Variants in NAALADL2 observed in about 807,000 individuals in gnomAD.
The protein encoded by NAALADL2 is inactive N-acetylated-alpha-linked acidic dipeptidase-like protein 2.
In NAALADL2, 76 loss-of-function variants were observed where a neutral mutation model predicts 87.2. The ratio of observed to expected loss-of-function variants is 0.87; its 90% confidence interval spans 0.72 to 1.05. The LOEUF (loss-of-function observed/expected upper bound fraction) is 1.05. Among genes scored for constraint, NAALADL2 ranks in the 50% least tolerant of loss-of-function variants. The pLI is 0.00. For synonymous variants in NAALADL2, 354 were observed against 331.0 expected (o/e 1.07, Z -0.75); for missense variants, 1,089 against 945.8 (o/e 1.15, Z -1.99).
chr3:175,786,434 CTTCATTTCA>C (rs999914391), intron 13 of NAALADL2, among the ~76,000 whole-genome samples: 6 of 152,062 alleles, frequency 3.9e-5, no homozygotes, highest in Admixed American at 2.6e-4. Context: ...TTCCCTTCTC[CTTCATTTCA>C]TTCATTTCAT....
chr3:174,584,775 A>G (rs986521371), intron 2 of NAALADL2, among the ~76,000 whole-genome samples: 3 of 152,106 alleles, frequency 2.0e-5, no homozygotes, highest in Non-Finnish European at 2.9e-5. Context: ...TCTGTTGTGT[A>G]TAAATTGAAG....
At chr3:174,562,098 T>G (rs1382733367) in intron 2 of NAALADL2, among the ~76,000 whole-genome samples, 4 of 152,176 alleles carry the variant, frequency 2.6e-5, no homozygotes, top group Admixed American at 6.5e-5. Context: ...ATTTCATGCT[T>G]AAAATATTGT....
At chr3:174,953,336 C>T (rs1438388177) in intron 1 of NAALADL2, among the ~76,000 whole-genome samples, 2 of 115,326 alleles carry the variant, frequency 1.7e-5, no homozygotes, top group Admixed American at 1.9e-4. Flanking sequence ...CTCCCCTCCC[C>T]TCCCCTCCCC....
At chr3:175,304,045 T>C (rs7635230) in intron 4 of NAALADL2, among the ~76,000 whole-genome samples, 15,641 of 151,728 alleles carry the variant, frequency 0.1, 1,187 homozygotes, top group African/African-American at 0.19. Flanking sequence ...GAGAGAAAGG[T>C]AAAAGACCTA....
At chr3:174,940,925 C>T (rs778577250) in intron 1 of NAALADL2, among the ~76,000 whole-genome samples, 12 of 151,296 alleles carry the variant, frequency 7.9e-5, no homozygotes, top group Non-Finnish European at 1.5e-4. Context: ...TAGCTAGCGG[C>T]CTGTCTTACT....
intron 11 of NAALADL2, among the ~76,000 whole-genome samples, chr3:175,715,745 A>C (rs1741151604): frequency 6.6e-6 from 1 of 152,036 alleles, no homozygotes; most frequent in Non-Finnish European, 1.5e-5. Flanking sequence ...GCATAGTGGC[A>C]CATGCTGTAA....
chr3:174,873,152 A>T (rs376503891), intron 1 of NAALADL2, among the ~76,000 whole-genome samples: 4 of 151,708 alleles, frequency 2.6e-5, no homozygotes, highest in African/African-American at 9.7e-5. Context: ...AATCTATTTA[A>T]CTTAGTTTTA....
At chr3:174,602,452 T>G (rs1718545427) in intron 2 of NAALADL2, among the ~76,000 whole-genome samples, 1 of 152,154 alleles carries the variant, frequency 6.6e-6, no homozygotes, top group African/African-American at 2.4e-5. Flanking sequence ...GACTTTTGTA[T>G]GTTGATTTTA....
chr3:175,349,805 G>C (rs6796035), intron 5 of NAALADL2, among the ~76,000 whole-genome samples: 15,495 of 152,040 alleles, frequency 0.1, 929 homozygotes, highest in Admixed American at 0.14. Context: ...CCTGATGAGT[G>C]CTGAAATCAA....
intron 10 of NAALADL2, among the ~76,000 whole-genome samples, chr3:175,588,156 G>C (rs898031092): frequency 6.6e-6 from 1 of 151,900 alleles, no homozygotes; most frequent in Non-Finnish European, 1.5e-5. Context: ...GTAACGCCTG[G>C]TAGGAAAAGT....
At chr3:175,538,897 A>T (rs1682982387) in intron 9 of NAALADL2, among the ~76,000 whole-genome samples, 1 of 152,228 alleles carries the variant, frequency 6.6e-6, no homozygotes, top group South Asian at 2.1e-4. Context: ...TCAAGGACAG[A>T]TTTACTAGAA....
chr3:175,423,726 G>A (rs563200248), intron 5 of NAALADL2, among the ~76,000 whole-genome samples: 92 of 152,196 alleles, frequency 6.0e-4, no homozygotes, highest in African/African-American at 2.0e-3. Flanking sequence ...CAATAAATAT[G>A]CATGTGCATG....
chr3:174,918,862 C>T (rs1734765617), intron 1 of NAALADL2, among the ~76,000 whole-genome samples: 1 of 151,782 alleles, frequency 6.6e-6, no homozygotes. Flanking sequence ...AGAATTATGG[C>T]CACTTTTATA....
At chr3:175,695,946 C>T (rs149679450) in intron 11 of NAALADL2, among the ~76,000 whole-genome samples, 6 of 152,206 alleles carry the variant, frequency 3.9e-5, no homozygotes, top group Non-Finnish European at 7.4e-5. Context: ...GCTGATAGCT[C>T]GCCATCTCAC....
chr3:174,915,688 G>GA (rs796209337), intron 1 of NAALADL2, among the ~76,000 whole-genome samples: 1 of 151,710 alleles, frequency 6.6e-6, no homozygotes, highest in African/African-American at 2.4e-5. Flanking sequence ...ATAATTTTAG[G>GA]AAAAAAAGCG....
At chr3:175,774,138 G>A (rs978048874) in intron 13 of NAALADL2, among the ~76,000 whole-genome samples, 1 of 151,980 alleles carries the variant, frequency 6.6e-6, no homozygotes, top group Non-Finnish European at 1.5e-5. Flanking sequence ...TTATTTTAGG[G>A]TTTGATAACA....
At chr3:175,291,992 A>T (rs1276615018) in intron 4 of NAALADL2, among the ~76,000 whole-genome samples, 1 of 152,242 alleles carries the variant, frequency 6.6e-6, no homozygotes, top group African/African-American at 2.4e-5. Flanking sequence ...TTAGTCTCCA[A>T]AATAGTTTAT....
At chr3:174,866,490 A>G (rs1256557122) in intron 1 of NAALADL2, among the ~76,000 whole-genome samples, 1 of 151,948 alleles carries the variant, frequency 6.6e-6, no homozygotes, top group Non-Finnish European at 1.5e-5. Flanking sequence ...CATGATTTAC[A>G]TATTTACACT....
At chr3:174,548,384 AAAAAACTAG>A (rs1711639125) in intron 1 of NAALADL2, among the ~76,000 whole-genome samples, 1 of 152,192 alleles carries the variant, frequency 6.6e-6, no homozygotes, top group African/African-American at 2.4e-5. Context: ...ATGCACAGAA[AAAAAACTAG>A]AAAAAAATAA....
Sources: gnomAD v4.1 joint callset for allele counts (sites outside exome capture counted in the v4.1 genomes callset) on GRCh38, gnomAD v4.1.1 for gene constraint, MANE v1.5 for transcripts, NCBI Gene and HGNC (gene_info 2026-07-23, HGNC 2026-07-21) for gene names.